The following SCFD2 variants were observed in gnomAD, a reference collection of about 807,000 sequenced individuals.
SCFD2 encodes sec1 family domain-containing protein 2.
In SCFD2, 54 loss-of-function variants were observed where a neutral mutation model predicts 58.9. The observed-to-expected ratio is 0.92, with a 90% CI of 0.74 to 1.15. The LOEUF (loss-of-function observed/expected upper bound fraction) is 1.15, where lower values mean the gene tolerates loss of function less well. Among genes scored for constraint, SCFD2 ranks in the 50% most tolerant of loss-of-function variants. The probability of loss-of-function intolerance (pLI) is 0.00; values close to 1 mark genes in which losing one functional copy is unlikely to be tolerated. For synonymous variants in SCFD2, 321 were observed against 335.9 expected (o/e 0.96, Z 0.49); for missense variants, 805 against 836.6 (o/e 0.96, Z 0.47).
intron 5 of SCFD2, among the ~76,000 whole-genome samples, chr4:53,045,460 T>A (rs909263799): frequency 2.6e-5 from 4 of 152,156 alleles, no homozygotes; most frequent in Non-Finnish European, 4.4e-5. Flanking sequence ...AAAGCTTAAT[T>A]TTTAAAGGTT....
chr4:53,220,120 C>G (rs1487007703), intron 4 of SCFD2, among the ~76,000 whole-genome samples: 1 of 152,204 alleles, frequency 6.6e-6, no homozygotes, highest in Non-Finnish European at 1.5e-5. Flanking sequence ...ATGCCCAACC[C>G]TCACCATTCT....
chr4:53,230,727 A>T (rs12715997), intron 4 of SCFD2, among the ~76,000 whole-genome samples: 81,699 of 151,724 alleles, frequency 0.54, 22,209 homozygotes, highest in Middle Eastern at 0.63. Flanking sequence ...CATATGTAAC[A>T]AACCTGCACG....
intron 2 of SCFD2, among the ~76,000 whole-genome samples, chr4:53,327,160 G>A (rs1023656233): frequency 4.6e-5 from 7 of 152,066 alleles, no homozygotes; most frequent in Admixed American, 2.0e-4. Flanking sequence ...AGGGGTGAGC[G>A]GGTATCGTCT....
chr4:53,076,885 G>T (rs556738256), intron 5 of SCFD2, among the ~76,000 whole-genome samples: 10 of 152,196 alleles, frequency 6.6e-5, no homozygotes, highest in African/African-American at 2.2e-4. Flanking sequence ...GAGAAAATAT[G>T]CTTGGTAATT....
intron 3 of SCFD2, among the ~76,000 whole-genome samples, chr4:53,276,200 TGTTAA>T (rs71197012): frequency 0.18 from 28,064 of 151,906 alleles, 2,861 homozygotes; most frequent in Non-Finnish European, 0.24. Context: ...GTGCATCTTA[TGTTAA>T]GTTTACAACA....
chr4:53,237,965 C>T (rs1379069827), intron 4 of SCFD2, among the ~76,000 whole-genome samples: 7 of 126,056 alleles, frequency 5.6e-5, no homozygotes, highest in East Asian at 2.7e-4. Flanking sequence ...CTGACCCCCC[C>T]ACCTCCCTCC....
intron 7 of SCFD2, among the ~76,000 whole-genome samples, chr4:52,892,682 C>T (rs1718905392): frequency 6.6e-6 from 1 of 152,212 alleles, no homozygotes; most frequent in Non-Finnish European, 1.5e-5. Flanking sequence ...TCTGTGTCCT[C>T]ACATCCCATC....
intron 7 of SCFD2, among the ~76,000 whole-genome samples, chr4:52,891,520 G>A (rs939656213): frequency 2.0e-5 from 3 of 152,246 alleles, no homozygotes; most frequent in African/African-American, 7.2e-5. Context: ...GTCCAAAGCG[G>A]CTGAACTAGT....
rs910576099 is a variant in SCFD2 at position 53,251,842 on chromosome 4, C to G, written c.1311+21984G>C. ...CTGGCACAAGACAGGGATGCCCTCT[C>G]TCACCACTCCTATTCAACACAGTGT... On this transcript the variant is annotated intron_variant, in intron 4 of 8. Transcript: ENST00000401642. Among the ~76,000 whole-genome samples, 133 of 151,700 alleles carry G rather than the reference C, an allele frequency of 8.8e-4. No individual in the cohort carries two copies. In the East Asian group the frequency reaches 0.018, roughly 21 times the overall value.
intron 4 of SCFD2, among the ~76,000 whole-genome samples, chr4:53,218,951 C>T (rs572548770): frequency 2.0e-5 from 3 of 152,270 alleles, no homozygotes; most frequent in South Asian, 2.1e-4. Context: ...TGCAGAACAG[C>T]GAATATTGCT....
At chr4:53,237,952 G>C (rs1440871234) in intron 4 of SCFD2, among the ~76,000 whole-genome samples, 1 of 120,920 alleles carries the variant, frequency 8.3e-6, no homozygotes, top group Non-Finnish European at 1.8e-5. Flanking sequence ...GCCGGGCGAG[G>C]GGCTGACCCC....
At chr4:53,027,619 G>A (rs1158740410) in intron 5 of SCFD2, among the ~76,000 whole-genome samples, 4 of 152,186 alleles carry the variant, frequency 2.6e-5, no homozygotes, top group Admixed American at 6.5e-5. Flanking sequence ...CTTGGGACCA[G>A]GAGTTCGAGA....
At chr4:53,105,979 C>T (rs753939436) in intron 5 of SCFD2, among the ~76,000 whole-genome samples, 42 of 151,416 alleles carry the variant, frequency 2.8e-4, no homozygotes, top group Admixed American at 1.1e-3. Context: ...CCCTCTGGGA[C>T]GAAGCTTCCA....
At chr4:53,263,445 T>G (rs1295333022) in intron 4 of SCFD2, among the ~76,000 whole-genome samples, 1 of 152,192 alleles carries the variant, frequency 6.6e-6, no homozygotes, top group South Asian at 2.1e-4. Flanking sequence ...GGGTGCTCCC[T>G]TGATGAACTG....
At chr4:53,256,025 C>T (rs1329000203) in intron 4 of SCFD2, among the ~76,000 whole-genome samples, 2 of 149,954 alleles carry the variant, frequency 1.3e-5, no homozygotes, top group Non-Finnish European at 3.0e-5. Flanking sequence ...GGTCTGACCC[C>T]CCACCTCCCT....
chr4:53,327,991 C>T (rs1262250693), intron 2 of SCFD2, among the ~76,000 whole-genome samples: 1 of 151,854 alleles, frequency 6.6e-6, no homozygotes, highest in African/African-American at 2.4e-5. Flanking sequence ...AAGAAACAGC[C>T]AGGCATGGTG....
At chr4:53,098,277 T>C (rs1184291401) in intron 5 of SCFD2, among the ~76,000 whole-genome samples, 2 of 152,212 alleles carry the variant, frequency 1.3e-5, no homozygotes, top group Admixed American at 6.5e-5. Flanking sequence ...ATTGGAATAG[T>C]TTCAGAAGGA....
intron 2 of SCFD2, among the ~76,000 whole-genome samples, chr4:53,333,541 A>G (rs1439752622): frequency 1.3e-5 from 2 of 151,604 alleles, no homozygotes; most frequent in African/African-American, 2.4e-5. Flanking sequence ...AAAACTGGCT[A>G]GCCATATGTA....
At chr4:53,099,229 G>A (rs1406729592) in intron 5 of SCFD2, among the ~76,000 whole-genome samples, 3 of 152,136 alleles carry the variant, frequency 2.0e-5, no homozygotes, top group African/African-American at 7.2e-5. Context: ...AATCACTAAG[G>A]ATGTCTATAA....
Sources: gnomAD v4.1 joint callset for allele counts (sites outside exome capture counted in the v4.1 genomes callset) on GRCh38, gnomAD v4.1.1 for gene constraint, MANE v1.5 for transcripts, NCBI Gene and HGNC (gene_info 2026-07-23, HGNC 2026-07-21) for gene names.